Variants in CTNNA3 observed in about 807,000 individuals in gnomAD.
CTNNA3 encodes catenin alpha-3.
CTNNA3 carries 76 observed loss-of-function variants against 95.7 expected under a neutral mutation model. The ratio of observed to expected loss-of-function variants is 0.79; its 90% CI spans 0.66 to 0.96. The LOEUF (loss-of-function observed/expected upper bound fraction) is 0.96. CTNNA3 is among the 40% of genes least tolerant of loss of function. The probability of loss-of-function intolerance (pLI) is 0.00; values close to 1 mark genes in which losing one functional copy is unlikely to be tolerated. For missense variants in CTNNA3, 1,191 were observed against 1,089.8 expected (o/e 1.09, Z -1.31); for synonymous variants, 431 against 374.4 (o/e 1.15, Z -1.74).
intron 5 of CTNNA3, among the ~76,000 whole-genome samples, chr10:67,303,407 A>C (rs1436931086): frequency 6.6e-6 from 1 of 152,238 alleles, no homozygotes; most frequent in Admixed American, 6.5e-5. Flanking sequence ...AGGCGAGGGA[A>C]CCAGATAATT....
intron 10 of CTNNA3, among the ~76,000 whole-genome samples, chr10:66,543,907 GTGTGTATATATATATATATATATA>G (rs1356224766): frequency 3.5e-5 from 1 of 28,954 alleles, no homozygotes; most frequent in Non-Finnish European, 6.4e-5. Flanking sequence ...AGATGTGTGT[GTGTGTATATATATATATATATATA>G]TATATATATA....
intron 7 of CTNNA3, among the ~76,000 whole-genome samples, chr10:67,126,003 C>G (rs764526513): frequency 2.0e-5 from 3 of 152,112 alleles, no homozygotes; most frequent in Admixed American, 6.6e-5. Flanking sequence ...GGAATCTAAC[C>G]TCTGAATACA....
chr10:66,634,285 G>A (rs1475224851), intron 9 of CTNNA3, among the ~76,000 whole-genome samples: 2 of 151,926 alleles, frequency 1.3e-5, no homozygotes, highest in African/African-American at 4.8e-5. Context: ...TATAAATAAG[G>A]TTTCCAGAAA....
intron 7 of CTNNA3, among the ~76,000 whole-genome samples, chr10:66,847,405 A>C (rs1040377765): frequency 2.0e-5 from 3 of 152,192 alleles, no homozygotes; most frequent in South Asian, 4.1e-4. Flanking sequence ...ATCTTAATTT[A>C]TGTCAGTCAA....
intron 1 of CTNNA3, among the ~76,000 whole-genome samples, chr10:67,716,230 C>T (rs1170033196): frequency 6.6e-6 from 1 of 152,038 alleles, no homozygotes; most frequent in East Asian, 1.9e-4. Context: ...TCAGGTATCC[C>T]TAAAAAGGGC....
At chr10:66,319,441 G>T (rs1174065684) in intron 12 of CTNNA3, among the ~76,000 whole-genome samples, 1 of 152,108 alleles carries the variant, frequency 6.6e-6, no homozygotes, top group African/African-American at 2.4e-5. Flanking sequence ...GATGTACGTA[G>T]AAGTCCTTGG....
chr10:67,697,429 G>A (rs942231020), upstream of CTNNA3, among the ~76,000 whole-genome samples: 2 of 152,154 alleles, frequency 1.3e-5, no homozygotes, highest in African/African-American at 4.8e-5. Flanking sequence ...TTCCAAACCA[G>A]GACTGTTGAA....
chr10:66,044,077 C>T (rs189444256), intron 15 of CTNNA3, among the ~76,000 whole-genome samples: 1 of 151,988 alleles, frequency 6.6e-6, no homozygotes, highest in African/African-American at 2.4e-5. Context: ...CTCACTGCAA[C>T]CTCCCCTCCC....
intron 13 of CTNNA3, among the ~76,000 whole-genome samples, chr10:66,171,839 T>A: frequency 6.6e-6 from 1 of 152,038 alleles, no homozygotes; most frequent in East Asian, 1.9e-4. Context: ...AATTAAACCA[T>A]GAAATCATGA....
intron 9 of CTNNA3, among the ~76,000 whole-genome samples, chr10:66,673,398 T>A (rs916253010): frequency 2.6e-4 from 40 of 152,268 alleles, no homozygotes; most frequent in African/African-American, 8.9e-4. Flanking sequence ...ATTCATTAAG[T>A]GTTGCTAAAT....
chr10:67,452,534 T>A (rs1051605962), intron 5 of CTNNA3, among the ~76,000 whole-genome samples: 1 of 152,188 alleles, frequency 6.6e-6, no homozygotes, highest in Non-Finnish European at 1.5e-5. Context: ...ATTTCCAAAT[T>A]TTTCTATATC....
At chr10:66,469,446 G>A (rs1320723698) in intron 11 of CTNNA3, among the ~76,000 whole-genome samples, 2 of 151,712 alleles carry the variant, frequency 1.3e-5, no homozygotes, top group African/African-American at 2.4e-5. Flanking sequence ...GAACAAGAGT[G>A]GCACAAGAAA....
intron 5 of CTNNA3, among the ~76,000 whole-genome samples, chr10:67,356,525 G>A (rs1312331015): frequency 6.6e-6 from 1 of 151,962 alleles, no homozygotes; most frequent in East Asian, 1.9e-4. Flanking sequence ...TCCTTAAATT[G>A]TAAACTTCAA....
chr10:67,665,201 G>A (rs929621918), intron 1 of CTNNA3, among the ~76,000 whole-genome samples: 1 of 151,492 alleles, frequency 6.6e-6, no homozygotes, highest in South Asian at 2.1e-4. Flanking sequence ...CAGCAGACTC[G>A]AGCCTCTGCT....
chr10:66,380,625 C>CTATCTATCTATCTA (rs777137490), intron 11 of CTNNA3, among the ~76,000 whole-genome samples: 8 of 122,888 alleles, frequency 6.5e-5, no homozygotes, highest in South Asian at 2.5e-4. Flanking sequence ...ATCTATCTAT[C>CTATCTATCTATCTA]TATATATATA....
chr10:67,745,864 C>T (rs1208869035), intron 1 of CTNNA3, among the ~76,000 whole-genome samples: 2 of 151,710 alleles, frequency 1.3e-5, no homozygotes, highest in Non-Finnish European at 2.9e-5. Context: ...ATCAATTGAA[C>T]CAAGGAAGTG....
At chr10:66,037,637 T>C (rs928049538) in intron 15 of CTNNA3, among the ~76,000 whole-genome samples, 11 of 150,892 alleles carry the variant, frequency 7.3e-5, no homozygotes, top group African/African-American at 2.7e-4. Context: ...TAAACCATGA[T>C]ATGATACATT....
chr10:66,731,999 A>C lies in CTNNA3; in HGVS notation c.1281+34265T>G, dbSNP rs1449395551. On this transcript the variant is annotated intron_variant, in intron 9 of 17. Transcript: ENST00000433211. The stretch of plus-strand genomic sequence containing the variant: ...GTTCAGAAAATTAGCTCTTATGCTC[A>C]AACTAATAGTAACAAAAACACTGCT... Among the ~76,000 whole-genome samples the C allele has an allele frequency of 2.0e-5, 3 of 152,248 alleles. No homozygotes were observed. In the East Asian group the frequency reaches 5.8e-4, roughly 29 times the overall value.
At chr10:67,163,927 T>C (rs189896237) in intron 7 of CTNNA3, among the ~76,000 whole-genome samples, 11 of 152,098 alleles carry the variant, frequency 7.2e-5, no homozygotes, top group South Asian at 4.2e-4. Context: ...TAATAAAACG[T>C]GTACGACTTC....
Sources: gnomAD v4.1 joint callset for allele counts (sites outside exome capture counted in the v4.1 genomes callset) on GRCh38, gnomAD v4.1.1 for gene constraint, MANE v1.5 for transcripts, NCBI Gene and HGNC (gene_info 2026-07-23, HGNC 2026-07-21) for gene names.